ABCD2: variants seen among roughly 807,000 people sequenced by gnomAD.
The protein encoded by ABCD2 is ATP binding cassette subfamily D member 2.
ABCD2 carries 36 observed loss-of-function variants against 70.9 expected under a neutral mutation model. The ratio of observed to expected loss-of-function variants is 0.51; its 90% CI spans 0.39 to 0.67. The LOEUF (loss-of-function observed/expected upper bound fraction) is 0.67, where lower values mean the gene tolerates loss of function less well. Among genes scored for constraint, ABCD2 ranks in the 30% least tolerant of loss-of-function variants. The pLI, the probability that ABCD2 is intolerant of heterozygous loss-of-function variation, is 0.00. For missense variants in ABCD2, 729 were observed against 890.2 expected (o/e 0.82, Z 2.30); for synonymous variants, 304 against 306.9 (o/e 0.99, Z 0.10).
At chr12:39,534,771 AAAGAAAG>A in the ABCD2 span, among the ~76,000 whole-genome samples, 1 of 103,436 alleles carries the variant, frequency 9.7e-6, no homozygotes, top group Admixed American at 1.1e-4. Context: ...AGAAAGAAAG[AAAGAAAG>A]AAAGAAAGAA....
chr12:39,584,525 G>A (rs58625026), intron 7 of ABCD2, among the ~76,000 whole-genome samples: 1 of 152,252 alleles, frequency 6.6e-6, no homozygotes, highest in African/African-American at 2.4e-5. Flanking sequence ...AATTTAATTA[G>A]ATCTCACTTG....
intron 2 of ABCD2, among the ~76,000 whole-genome samples, chr12:39,614,778 T>A (rs1942093622): frequency 6.6e-6 from 1 of 152,160 alleles, no homozygotes; most frequent in Admixed American, 6.5e-5. Flanking sequence ...ATGACAAATA[T>A]ATTTAGTAAA....
chr12:39,568,746 A>G (rs539609629), intron 9 of ABCD2, among the ~76,000 whole-genome samples: 11 of 151,828 alleles, frequency 7.2e-5, no homozygotes, highest in African/African-American at 2.2e-4. Context: ...TTTTTTCCCC[A>G]TCTTTCTGGT....
chr12:39,534,276 T>G, the ABCD2 span, among the ~76,000 whole-genome samples: 1 of 152,170 alleles, frequency 6.6e-6, no homozygotes, highest in African/African-American at 2.4e-5. Flanking sequence ...CTGCCCAACT[T>G]ATTATCTTCA....
chr12:39,566,764 A>T (rs1235308307), intron 9 of ABCD2, among the ~76,000 whole-genome samples: 3 of 152,146 alleles, frequency 2.0e-5, no homozygotes, highest in African/African-American at 7.2e-5. Flanking sequence ...TGTTGTGGGC[A>T]TTTAGTGCTA....
intron 9 of ABCD2, among the ~76,000 whole-genome samples, chr12:39,555,568 A>G (rs1941151883): frequency 1.3e-5 from 2 of 152,180 alleles, no homozygotes; most frequent in South Asian, 4.1e-4. Context: ...CCCAACCACA[A>G]AGTGCACAGC....
chr12:39,619,561 CA>C lies in ABCD2; in HGVS notation c.54del (p.Ser18ArgfsTer16). 3 of 1,611,286 alleles carry C rather than the reference CA, an allele frequency of 1.9e-6. No homozygotes were observed. The highest frequency in any genetic ancestry group is 2.5e-6 in the Non-Finnish European group (3 of 1,179,982). On this transcript the variant is annotated frameshift_variant, in exon 1 of 10. Transcript: ENST00000308666. LOFTEE classifies it high-confidence loss of function. ...AADRVKWTRS[S>X]AAKRAACLVA... The stretch of plus-strand genomic sequence containing the variant: ...ACCAGGCAGGCAGCCCTCTTAGCAG[CA>C]CTCGATCTGGTCCATTTCACTCGAT...
Position 39,585,078 on chromosome 12 carries a change from G to T in ABCD2, c.1792+1074C>A, listed in dbSNP as rs537108960. 5.9e-5 allele frequency among the ~76,000 whole-genome samples: 9 copies of T among 152,202 alleles called. No homozygotes were observed. The East Asian group carries it at 7.7e-4, about 13-fold the overall frequency. ...GAAGAATGTCATTGGTAGTTTGATA[G>T]GAATAGCATTGAATATGTAAATTGC... On this transcript the variant is annotated intron_variant, in intron 7 of 9. Transcript: ENST00000308666.
In ABCD2 at chr12:39,560,719, T is replaced by C. The variant is rs906421738; in HGVS notation, c.2004-6588A>G. On this transcript the variant is annotated intron_variant, in intron 9 of 9. Transcript: ENST00000308666. ...AAAATGGGGAGATAAAGGGTAAAGA[T>C]TGTGCCTTTTTTGCAATTAAATTAA... Among the ~76,000 whole-genome samples, 7 of 152,252 alleles carry C rather than the reference T, an allele frequency of 4.6e-5. 1 individual carries two copies. Among genetic ancestry groups the C allele is most frequent in the Non-Finnish European group, 8.8e-5 (6 of 68,004 alleles).
At chr12:39,603,857 T>C in intron 5 of ABCD2, 55 bp downstream of exon 5, 9 of 1,295,802 alleles carry the variant, frequency 6.9e-6, no homozygotes, top group South Asian at 3.7e-5. Context: ...GAATTCTGAG[T>C]TGTTTTGTAT....
At chr12:39,557,962 G>A (rs1471036800) in intron 9 of ABCD2, among the ~76,000 whole-genome samples, 1 of 152,230 alleles carries the variant, frequency 6.6e-6, no homozygotes, top group Admixed American at 6.5e-5. Context: ...GCATTGCCTA[G>A]TGGAGCTGTG....
downstream of ABCD2, among the ~76,000 whole-genome samples, chr12:39,545,671 G>A (rs1256459419): frequency 6.6e-6 from 1 of 152,180 alleles, no homozygotes; most frequent in Non-Finnish European, 1.5e-5. Context: ...TTTCATTGTT[G>A]TGATCAGGTC....
chr12:39,568,588 C>T (rs912722216), intron 9 of ABCD2, among the ~76,000 whole-genome samples: 4 of 152,058 alleles, frequency 2.6e-5, no homozygotes, highest in Admixed American at 6.5e-5. Context: ...TCCTTTAGCT[C>T]GGAGTAGTTT....
At chr12:39,611,531 C>G (rs1434726553) in intron 2 of ABCD2, among the ~76,000 whole-genome samples, 1 of 152,030 alleles carries the variant, frequency 6.6e-6, no homozygotes, top group Admixed American at 6.5e-5. Context: ...TGCGCCTATC[C>G]TCCACCATAT....
chr12:39,613,664 A>G (rs1942077813), intron 2 of ABCD2, among the ~76,000 whole-genome samples: 1 of 152,210 alleles, frequency 6.6e-6, no homozygotes, highest in South Asian at 2.1e-4. Context: ...CAGTAGAAGA[A>G]AGCAGTGCAT....
At chr12:39,566,023 T>C (rs1015224364) in intron 9 of ABCD2, among the ~76,000 whole-genome samples, 3 of 152,120 alleles carry the variant, frequency 2.0e-5, no homozygotes, top group Non-Finnish European at 4.4e-5. Flanking sequence ...CTGCTGGATT[T>C]AGTTTGCCAG....
chr12:39,604,068 A>G, intron 4 of ABCD2, 62 bp from the exon 5 acceptor site: 1 of 1,148,524 alleles, frequency 8.7e-7, no homozygotes, highest in Non-Finnish European at 1.3e-6. Context: ...AAATAACGTA[A>G]ATTATTATGC....
chr12:39,607,316 A>G (rs561266231), intron 3 of ABCD2, among the ~76,000 whole-genome samples: 1 of 152,220 alleles, frequency 6.6e-6, no homozygotes, highest in South Asian at 2.1e-4. Flanking sequence ...AAATTTAGGC[A>G]CTCTGGCTCC....
intron 9 of ABCD2, among the ~76,000 whole-genome samples, chr12:39,566,333 G>A (rs2120566338): frequency 6.6e-6 from 1 of 152,142 alleles, no homozygotes; most frequent in South Asian, 2.1e-4. Flanking sequence ...TTCAGAGATT[G>A]AAATTCTTCC....
Sources: allele counts gnomAD v4.1 joint callset (sites outside exome capture counted in the v4.1 genomes callset), GRCh38; gene constraint gnomAD v4.1.1; transcripts MANE v1.5; gene names NCBI Gene and HGNC (gene_info 2026-07-23, HGNC 2026-07-21).